The following CECR2 variants were observed in gnomAD, a reference collection of about 807,000 sequenced individuals.
CECR2 encodes the protein chromatin remodeling regulator CECR2.
Under a neutral mutation model 154.5 loss-of-function variants are expected in CECR2, and 30 were observed. That is an observed-to-expected ratio of 0.19 (90% CI 0.15 to 0.26). The LOEUF (loss-of-function observed/expected upper bound fraction) is 0.26. Ranked by LOEUF, CECR2 falls within the 10% of genes least tolerant of loss-of-function variation. The probability of loss-of-function intolerance (pLI) is 1.00; values close to 1 mark genes in which losing one functional copy is unlikely to be tolerated. For synonymous variants in CECR2, 725 were observed against 683.7 expected, an observed-to-expected ratio of 1.06 and a Z score of -0.94; for missense variants, 1,743 against 1,829.3, an observed-to-expected ratio of 0.95 and a Z score of 0.86.
intron 1 of CECR2, among the ~76,000 whole-genome samples, chr22:17,388,388 C>T (rs1381473429): frequency 2.6e-5 from 4 of 152,246 alleles, no homozygotes; most frequent in African/African-American, 9.6e-5. Context: ...AGGCAGGCAT[C>T]ACCATGACAG....
chr22:17,386,752 G>A (rs868033788), intron 1 of CECR2, among the ~76,000 whole-genome samples: 7 of 151,650 alleles, frequency 4.6e-5, no homozygotes, highest in Admixed American at 6.6e-5. Context: ...CTGGGTTCAA[G>A]CCATTGCCCT....
At chr22:17,511,196 C>CTAA (rs2146924148) in intron 7 of CECR2, among the ~76,000 whole-genome samples, 1 of 152,318 alleles carries the variant, frequency 6.6e-6, no homozygotes, top group Admixed American at 6.5e-5. Context: ...CTTACATGTG[C>CTAA]TAATAAACCT....
intron 1 of CECR2, among the ~76,000 whole-genome samples, chr22:17,394,610 C>T (rs2053780959): frequency 6.6e-6 from 1 of 152,120 alleles, no homozygotes; most frequent in African/African-American, 2.4e-5. Context: ...TGTGAGTCCT[C>T]CTCCTTTTTC....
At chr22:17,543,078 A>AG in intron 16 of CECR2, 75 bp downstream of exon 16, 1 of 1,425,658 alleles carries the variant, frequency 7.0e-7, no homozygotes, top group Non-Finnish European at 9.4e-7. Context: ...ATATCAAACC[A>AG]AGTGTAATCT....
intron 4 of CECR2, among the ~76,000 whole-genome samples, chr22:17,499,782 G>C (rs1168104159): frequency 6.6e-6 from 1 of 152,178 alleles, no homozygotes; most frequent in Admixed American, 6.5e-5. Flanking sequence ...GGAGGTTTCT[G>C]AGAAATGCCA....
At chr22:17,439,469 C>T (rs2054552936) in intron 1 of CECR2, among the ~76,000 whole-genome samples, 1 of 151,852 alleles carries the variant, frequency 6.6e-6, no homozygotes, top group Non-Finnish European at 1.5e-5. Context: ...TTATAATATA[C>T]AAACAGCCCA....
intron 2 of CECR2, among the ~76,000 whole-genome samples, chr22:17,486,598 A>G (rs1390656189): frequency 6.6e-6 from 1 of 152,230 alleles, no homozygotes; most frequent in African/African-American, 2.4e-5. Flanking sequence ...GCCTTACTAC[A>G]GCTGTGCATT....
intron 9 of CECR2, among the ~76,000 whole-genome samples, chr22:17,526,582 G>A (rs1240289596): frequency 3.3e-5 from 5 of 151,790 alleles, no homozygotes; most frequent in Admixed American, 6.6e-5. Flanking sequence ...AGGCCAAGGC[G>A]GGTGAATTAC....
chr22:17,481,378 T>C (rs1171817685), intron 2 of CECR2, among the ~76,000 whole-genome samples: 1 of 151,312 alleles, frequency 6.6e-6, no homozygotes, highest in Non-Finnish European at 1.5e-5. Context: ...CTTCATTTAG[T>C]TGTGCATAAT....
At chr22:17,484,520 GTTTT>G (rs779536881) in intron 2 of CECR2, among the ~76,000 whole-genome samples, 38 of 151,360 alleles carry the variant, frequency 2.5e-4, no homozygotes, top group Middle Eastern at 3.4e-3. Context: ...TTCTGTTGTT[GTTTT>G]TTTTAATTTT....
intron 16 of CECR2, among the ~76,000 whole-genome samples, chr22:17,543,483 C>T (rs1018018346): frequency 9.9e-5 from 15 of 151,948 alleles, no homozygotes; most frequent in Admixed American, 8.5e-4. Flanking sequence ...CAGTCCTTCT[C>T]TTGGTCCGTC....
At chr22:17,392,419 C>T (rs535948650) in intron 1 of CECR2, among the ~76,000 whole-genome samples, 78 of 151,982 alleles carry the variant, frequency 5.1e-4, no homozygotes, top group Admixed American at 9.2e-4. Flanking sequence ...ACCTGGGAGG[C>T]GGAGGTTGCA....
chr22:17,507,603 G>A (rs755927633), intron 7 of CECR2, among the ~76,000 whole-genome samples: 1 of 151,758 alleles, frequency 6.6e-6, no homozygotes, highest in Non-Finnish European at 1.5e-5. Context: ...GAAGAATTAA[G>A]GGGAAAAAAA....
At chr22:17,389,342 A>ACTGC (rs200036226) in intron 1 of CECR2, among the ~76,000 whole-genome samples, 3,107 of 152,112 alleles carry the variant, frequency 0.02, 53 homozygotes, top group Middle Eastern at 0.044. Context: ...CTGTCTCCCA[A>ACTGC]CTGCCTGCCT....
rs2053848527 is a variant in CECR2, at chr22:17,398,628, C to G, written c.126+28719C>G. 2.0e-5 allele frequency among the ~76,000 whole-genome samples: 3 copies of G among 152,166 alleles called. No individual in the cohort carries two copies. In the South Asian group the frequency reaches 6.2e-4, roughly 32 times the overall value. On this transcript the variant is annotated intron_variant, in intron 1 of 18. Coordinates refer to ENST00000262608, the MANE Select transcript of CECR2 (RefSeq NM_001290047.2). ...ACACTGGACAATTTACTTAACAGCC[C>G]TTACACTCAGTTTTCTCATCTTTAG...
intron 1 of CECR2, among the ~76,000 whole-genome samples, chr22:17,467,206 T>C (rs1051134613): frequency 3.3e-5 from 5 of 152,232 alleles, no homozygotes; most frequent in Non-Finnish European, 7.3e-5. Context: ...TCATATTTCA[T>C]TGACCAGAAC....
At chr22:17,417,993 A>AC (rs2054180756) in intron 1 of CECR2, among the ~76,000 whole-genome samples, 1 of 152,118 alleles carries the variant, frequency 6.6e-6, no homozygotes, top group Non-Finnish European at 1.5e-5. Context: ...TTAAAAAAAA[A>AC]CATAAAAACC....
At position 17,448,918 on chromosome 22, in the gene CECR2, C is replaced by T. The variant is rs1276334020; in HGVS notation, c.127-28670C>T. On this transcript the variant is annotated intron_variant, in intron 1 of 18. Transcript: ENST00000262608. Reference sequence around the variant, plus strand: ...TTTTGGAGATGGAGTCTCGCTCTGTCGCCCAGGCTGAGGTACCGTGGCACG... The same window carrying T: ...TTTTGGAGATGGAGTCTCGCTCTGTTGCCCAGGCTGAGGTACCGTGGCACG... Among the ~76,000 whole-genome samples, 7 of 151,952 alleles carry T rather than the reference C, an allele frequency of 4.6e-5. No homozygotes were observed. In the East Asian group the frequency reaches 9.7e-4, roughly 21 times the overall value.
chr22:17,362,873 G>C (rs1055302240), intron 1 of CECR2, among the ~76,000 whole-genome samples: 29 of 134,716 alleles, frequency 2.2e-4, no homozygotes, highest in South Asian at 7.1e-4. Flanking sequence ...CTGAACTCTA[G>C]CCTGGGCGAC....
Sources: allele counts gnomAD v4.1 joint callset (sites outside exome capture counted in the v4.1 genomes callset), GRCh38; gene constraint gnomAD v4.1.1; transcripts MANE v1.5; gene names NCBI Gene and HGNC (gene_info 2026-07-23, HGNC 2026-07-21).